ADAMTS17: variants seen among roughly 807,000 people sequenced by gnomAD.
ADAMTS17 encodes A disintegrin and metalloproteinase with thrombospondin motifs 17.
A neutral mutation model predicts 141.5 loss-of-function variants in ADAMTS17; 113 were observed. That is an observed-to-expected ratio of 0.80 (90% CI 0.69 to 0.93). The LOEUF (loss-of-function observed/expected upper bound fraction) is 0.93, where lower values mean the gene tolerates loss of function less well. Among genes scored for constraint, ADAMTS17 ranks in the 40% least tolerant of loss-of-function variants. The probability of loss-of-function intolerance (pLI) is 0.00; values close to 1 mark genes in which losing one functional copy is unlikely to be tolerated. For synonymous variants in ADAMTS17, 768 were observed against 630.6 expected (o/e 1.22, Z -3.27); for missense variants, 1,659 against 1,517.9 (o/e 1.09, Z -1.54).
At chr15:100,168,726 G>A (rs2040045851) in intron 8 of ADAMTS17, 2 of 152,264 alleles carry the variant, frequency 1.3e-5, no homozygotes, top group Non-Finnish European at 2.9e-5. Context: ...AAGCACATCA[G>A]AAGGTCAAGG....
At chr15:100,317,224 C>A (rs2045593119) in intron 3 of ADAMTS17, among the ~76,000 whole-genome samples, 1 of 152,076 alleles carries the variant, frequency 6.6e-6, no homozygotes, top group African/African-American at 2.4e-5. Flanking sequence ...TCATATCAAC[C>A]AAACGGCAGG....
chr15:100,063,087 C>T (rs191878632), intron 15 of ADAMTS17, among the ~76,000 whole-genome samples: 16 of 152,332 alleles, frequency 1.1e-4, no homozygotes, highest in African/African-American at 3.6e-4. Flanking sequence ...AATGGCTTTG[C>T]TCCTGCATAG....
chr15:100,108,230 G>A (rs1967003), intron 14 of ADAMTS17, among the ~76,000 whole-genome samples: 84,978 of 151,212 alleles, frequency 0.56, 23,998 homozygotes, highest in Middle Eastern at 0.6. Context: ...GGAAGGCAGT[G>A]GCGTGATCTC....
At chr15:100,128,610 C>G (rs1596505279) in intron 12 of ADAMTS17, 1 of 152,140 alleles carries the variant, frequency 6.6e-6, no homozygotes, top group Non-Finnish European at 1.5e-5. Context: ...GAGGGAGGAC[C>G]TGATGAAGAA....
chr15:100,123,357 TTAATA>T lies in ADAMTS17; in HGVS notation c.1722-6349_1722-6345del, dbSNP rs2037549847. On this transcript the variant is annotated intron_variant, in intron 12 of 21. Coordinates refer to ENST00000268070, the MANE Select transcript of ADAMTS17 (RefSeq NM_139057.4). ...TTGACAGGGCTAAAATAAAGAACAGTTAATATAAGAGATTCGTGATAGAGTTATCC... is the reference window on the plus strand; with the variant it reads ...TTGACAGGGCTAAAATAAAGAACAGTTAAGAGATTCGTGATAGAGTTATCC... 1.2e-4 allele frequency among the ~76,000 whole-genome samples: 18 copies of T among 152,082 alleles called. No individual in the cohort carries two copies. In the South Asian group the frequency reaches 3.8e-3, roughly 32 times the overall value.
intron 10 of ADAMTS17, among the ~76,000 whole-genome samples, chr15:100,141,167 G>T (rs1307618194): frequency 6.6e-6 from 1 of 152,208 alleles, no homozygotes; most frequent in Non-Finnish European, 1.5e-5. Flanking sequence ...AGCATGTTTT[G>T]CTGCATAGTT....
In ADAMTS17 at chr15:100,339,950, TGTGA is replaced by T. The variant is rs796969792; in HGVS notation, c.450+1085_450+1088del. Reference sequence around the variant, plus strand: ...ATTCTCGAGGACTCGCCACAGACTCTGTGAGTAAGGGCTGGAGAATTCTAGATGG... The same window carrying T: ...ATTCTCGAGGACTCGCCACAGACTCTGTAAGGGCTGGAGAATTCTAGATGG... On this transcript the variant is annotated intron_variant, in intron 2 of 21. Transcript: ENST00000268070. Among the ~76,000 whole-genome samples the T allele has an allele frequency of 2.6e-5, 4 of 152,200 alleles. No homozygotes were observed. The South Asian group carries it at 6.2e-4, about 24-fold the overall frequency.
intron 18 of ADAMTS17, among the ~76,000 whole-genome samples, chr15:100,036,925 A>G (rs2030778077): frequency 1.3e-5 from 2 of 152,278 alleles, no homozygotes; most frequent in South Asian, 4.1e-4. Context: ...GCTGAATAAT[A>G]TTGCGCTGCC....
chr15:99,979,176 G>A (rs980561354), intron 20 of ADAMTS17: 1 of 152,114 alleles, frequency 6.6e-6, no homozygotes, highest in African/African-American at 2.4e-5. Context: ...GGATCACGAG[G>A]TGAGGAGTTT....
At chr15:100,101,480 G>C (rs574115893) in intron 14 of ADAMTS17, among the ~76,000 whole-genome samples, 1 of 152,332 alleles carries the variant, frequency 6.6e-6, no homozygotes, top group South Asian at 2.1e-4. Context: ...TTTCTGCTAT[G>C]TCTAAGTGGA....
chr15:100,130,833 G>A (rs562249150), intron 12 of ADAMTS17, among the ~76,000 whole-genome samples: 1 of 152,244 alleles, frequency 6.6e-6, no homozygotes, highest in African/African-American at 2.4e-5. Flanking sequence ...TAAGAAATGG[G>A]AAGCTTCATT....
chr15:100,018,578 C>T (rs968105457), intron 18 of ADAMTS17, among the ~76,000 whole-genome samples: 2 of 152,190 alleles, frequency 1.3e-5, no homozygotes, highest in African/African-American at 4.8e-5. Context: ...GTAGGAAGTG[C>T]CTACTTCTCT....
rs555972724 is a variant in ADAMTS17, at chr15:100,265,431, G to A, written c.790-2996C>T. Among the ~76,000 whole-genome samples, 364 of 152,334 alleles carry A rather than the reference G, an allele frequency of 2.4e-3. 6 individuals carry two copies. Among genetic ancestry groups the A allele is most frequent in the African/African-American group, 8.5e-3 (355 of 41,570 alleles). ...CCAAGCGTCTGGAAATTCCGTCTCC[G>A]GCGTCCAGCTCTGGCGGCATCCCAG... is the stretch of plus-strand genomic sequence containing the variant. On this transcript the variant is annotated intron_variant, in intron 4 of 21. Coordinates refer to ENST00000268070, the MANE Select transcript of ADAMTS17 (RefSeq NM_139057.4).
intron 10 of ADAMTS17, among the ~76,000 whole-genome samples, chr15:100,150,568 G>C (rs1013605766): frequency 2.0e-5 from 3 of 152,190 alleles, no homozygotes; most frequent in African/African-American, 7.2e-5. Context: ...CCCAGTACAA[G>C]TGCCTTCCTC....
chr15:100,204,583 A>G (rs1220494368), intron 7 of ADAMTS17, among the ~76,000 whole-genome samples: 1 of 152,266 alleles, frequency 6.6e-6, no homozygotes, highest in African/African-American at 2.4e-5. Flanking sequence ...CTAACTACAA[A>G]GGAATAAAAA....
chr15:100,152,502 A>T, intron 10 of ADAMTS17, 110 bp downstream of exon 10: 1 of 1,419,412 alleles, frequency 7.0e-7, no homozygotes, highest in South Asian at 1.2e-5. Flanking sequence ...TTGTGTGTGT[A>T]TGTGCCTGTG....
At chr15:100,098,641 C>G (rs1338536277) in intron 14 of ADAMTS17, among the ~76,000 whole-genome samples, 1 of 143,518 alleles carries the variant, frequency 7.0e-6, no homozygotes, top group Non-Finnish European at 1.5e-5. Context: ...CCAGCCTGGG[C>G]AACAGAGCAA....
chr15:100,287,650 C>T (rs2044491048), intron 3 of ADAMTS17, among the ~76,000 whole-genome samples: 1 of 152,118 alleles, frequency 6.6e-6, no homozygotes, highest in Non-Finnish European at 1.5e-5. Flanking sequence ...GGTAGGTCAC[C>T]TACGAAGGGA....
At chr15:100,161,293 C>A (rs2039682813) in intron 8 of ADAMTS17, among the ~76,000 whole-genome samples, 1 of 152,230 alleles carries the variant, frequency 6.6e-6, no homozygotes, top group African/African-American at 2.4e-5. Context: ...CTCTGCCACT[C>A]TGGAAGCTTC....
Sources: gnomAD v4.1 joint callset for allele counts (sites outside exome capture counted in the v4.1 genomes callset) on GRCh38, gnomAD v4.1.1 for gene constraint, MANE v1.5 for transcripts, NCBI Gene and HGNC (gene_info 2026-07-23, HGNC 2026-07-21) for gene names.